EXOC6B: variants seen among roughly 807,000 people sequenced by gnomAD.
EXOC6B encodes the protein SEC15 homolog B.
In EXOC6B, 54 loss-of-function variants were observed where a neutral mutation model predicts 113.5. That is an observed-to-expected ratio of 0.48 (90% confidence interval 0.38 to 0.60). EXOC6B has a LOEUF of 0.60. EXOC6B is among the 20% of genes least tolerant of loss of function. EXOC6B has a pLI of 0.00. For synonymous variants in EXOC6B, 357 were observed against 339.0 expected (o/e 1.05, Z -0.58); for missense variants, 797 against 977.5 (o/e 0.82, Z 2.46).
intron 1 of EXOC6B, among the ~76,000 whole-genome samples, chr2:72,748,381 AAG>A (rs1681831407): frequency 1.3e-5 from 2 of 152,052 alleles, no homozygotes; most frequent in Non-Finnish European, 2.9e-5. Flanking sequence ...ATGATGTTGA[AAG>A]AGAAACTGCA....
At chr2:72,615,337 G>A (rs1448945958) in intron 6 of EXOC6B, among the ~76,000 whole-genome samples, 2 of 151,834 alleles carry the variant, frequency 1.3e-5, no homozygotes, top group Admixed American at 6.6e-5. Flanking sequence ...CTCATTTCTA[G>A]GACTATGCCA....
At chr2:72,260,085 G>A (rs1683619185) in intron 20 of EXOC6B, among the ~76,000 whole-genome samples, 2 of 151,914 alleles carry the variant, frequency 1.3e-5, no homozygotes, top group South Asian at 4.2e-4. Context: ...CAGAGAGAGA[G>A]AGAGAAAAAG....
In EXOC6B at chr2:72,649,769, C is replaced by A. The variant is rs552068546; in HGVS notation, c.669+68334G>T. ...AGATCCCAGAAACAGCCCCACAGTA[C>A]AGCCAACTGATTTTTCCCAAAGGTA... On this transcript the variant is annotated intron_variant, in intron 6 of 21. Transcript: ENST00000272427. 5.3e-5 allele frequency among the ~76,000 whole-genome samples: 8 copies of A among 152,210 alleles called. 1 individual carries two copies. Among genetic ancestry groups the A allele is most frequent in the African/African-American group, 1.9e-4 (8 of 41,522 alleles).
At chr2:72,205,506 T>C (rs1055772847) in intron 20 of EXOC6B, among the ~76,000 whole-genome samples, 1 of 152,128 alleles carries the variant, frequency 6.6e-6, no homozygotes, top group Non-Finnish European at 1.5e-5. Context: ...GAATGCTCTA[T>C]TTAATCCAAA....
intron 20 of EXOC6B, among the ~76,000 whole-genome samples, chr2:72,295,634 A>C (rs181540130): frequency 3.7e-4 from 56 of 152,286 alleles, no homozygotes; most frequent in African/African-American, 1.3e-3. Flanking sequence ...GTGTTTACTA[A>C]GACAGTAAGA....
intron 15 of EXOC6B, 50 bp from the exon 16 acceptor site, chr2:72,492,479 C>T (rs767278044): frequency 1.2e-5 from 14 of 1,203,028 alleles, no homozygotes; most frequent in Non-Finnish European, 1.6e-5. Flanking sequence ...AGAATTATTT[C>T]GGCAAACAAA....
chr2:72,364,937 G>C (rs956541999), intron 19 of EXOC6B, among the ~76,000 whole-genome samples: 1 of 152,084 alleles, frequency 6.6e-6, no homozygotes, highest in East Asian at 1.9e-4. Flanking sequence ...AAAATTCAGA[G>C]AAGGATGACT....
At chr2:72,199,786 C>T (rs548970176) in intron 20 of EXOC6B, among the ~76,000 whole-genome samples, 3 of 152,320 alleles carry the variant, frequency 2.0e-5, no homozygotes, top group Admixed American at 6.5e-5. Flanking sequence ...AAACCCTAGA[C>T]CTTTTAGTTT....
chr2:72,531,237 T>C (rs1414128937), intron 8 of EXOC6B, among the ~76,000 whole-genome samples: 2 of 152,228 alleles, frequency 1.3e-5, no homozygotes, highest in African/African-American at 4.8e-5. Flanking sequence ...TATCTATTTA[T>C]ACATTTGTTT....
intron 20 of EXOC6B, among the ~76,000 whole-genome samples, chr2:72,212,065 G>A (rs1013630770): frequency 4.6e-5 from 7 of 152,170 alleles, no homozygotes; most frequent in South Asian, 2.1e-4. Context: ...AATATGCAGA[G>A]GGCATTTCTC....
intron 20 of EXOC6B, among the ~76,000 whole-genome samples, chr2:72,301,107 A>T (rs1441908818): frequency 2.0e-5 from 3 of 151,872 alleles, no homozygotes; most frequent in Non-Finnish European, 2.9e-5. Flanking sequence ...TAATCATGTG[A>T]TTTTTTGCCT....
chr2:72,443,617 TC>T (rs770418515), intron 18 of EXOC6B, among the ~76,000 whole-genome samples: 1 of 152,116 alleles, frequency 6.6e-6, no homozygotes, highest in East Asian at 1.9e-4. Flanking sequence ...TTAATAGACT[TC>T]CAGTTCCACA....
chr2:72,340,878 A>G (rs1369357394), intron 19 of EXOC6B, among the ~76,000 whole-genome samples: 1 of 152,172 alleles, frequency 6.6e-6, no homozygotes, highest in African/African-American at 2.4e-5. Context: ...TGGTTCCACT[A>G]AGCTAATTAC....
At chr2:72,245,164 C>T (rs1343626312) in intron 20 of EXOC6B, among the ~76,000 whole-genome samples, 1 of 152,060 alleles carries the variant, frequency 6.6e-6, no homozygotes, top group Non-Finnish European at 1.5e-5. Flanking sequence ...AGGCAAAAGA[C>T]CCATTATAGC....
intron 19 of EXOC6B, among the ~76,000 whole-genome samples, chr2:72,342,542 C>T (rs888714673): frequency 3.3e-5 from 5 of 152,130 alleles, no homozygotes; most frequent in Middle Eastern, 3.4e-3. Context: ...ATATAATGAA[C>T]GTTGGTGAGG....
At chr2:72,363,839 T>C (rs1690458954) in intron 19 of EXOC6B, among the ~76,000 whole-genome samples, 1 of 152,160 alleles carries the variant, frequency 6.6e-6, no homozygotes. Flanking sequence ...GAATCCATTC[T>C]GTTGAACTGA....
intron 6 of EXOC6B, among the ~76,000 whole-genome samples, chr2:72,715,491 A>G (rs1453354876): frequency 6.7e-6 from 1 of 148,680 alleles, no homozygotes; most frequent in Non-Finnish European, 1.5e-5. Flanking sequence ...AAAATAAAAT[A>G]TATATATGAA....
intron 19 of EXOC6B, among the ~76,000 whole-genome samples, chr2:72,370,056 A>C (rs925280853): frequency 3.9e-5 from 6 of 152,122 alleles, no homozygotes; most frequent in East Asian, 1.9e-4. Flanking sequence ...AAAGGAACTA[A>C]CATCAGAGTG....
At chr2:72,525,728 TA>T (rs1354230050) in intron 8 of EXOC6B, among the ~76,000 whole-genome samples, 3 of 152,050 alleles carry the variant, frequency 2.0e-5, no homozygotes, top group African/African-American at 4.8e-5. Flanking sequence ...TTTTACTATT[TA>T]AAAAAATCAT....
Sources: gnomAD v4.1 joint callset for allele counts (sites outside exome capture counted in the v4.1 genomes callset) on GRCh38, gnomAD v4.1.1 for gene constraint, MANE v1.5 for transcripts, NCBI Gene and HGNC (gene_info 2026-07-23, HGNC 2026-07-21) for gene names.